FMN2: variants seen among roughly 807,000 people sequenced by gnomAD.
The protein encoded by FMN2 is formin 2.
A neutral mutation model predicts 142.3 loss-of-function variants in FMN2; 51 were observed. The ratio of observed to expected loss-of-function variants is 0.36; its 90% CI spans 0.29 to 0.45. FMN2 has a LOEUF of 0.45. Among genes scored for constraint, FMN2 ranks in the 20% least tolerant of loss-of-function variants. The pLI, the probability that FMN2 is intolerant of heterozygous loss-of-function variation, is 1.00. For missense variants in FMN2, 1,936 were observed against 2,122.8 expected, an observed-to-expected ratio of 0.91 and a Z score of 1.73; for synonymous variants, 882 against 869.8, an observed-to-expected ratio of 1.01 and a Z score of -0.25.
chr1:240,140,458 A>G (rs922671115), intron 2 of FMN2, among the ~76,000 whole-genome samples: 2 of 152,106 alleles, frequency 1.3e-5, no homozygotes, highest in East Asian at 1.9e-4. Flanking sequence ...ATTTCTGGCT[A>G]TCTCTGACCC....
intron 15 of FMN2, among the ~76,000 whole-genome samples, chr1:240,426,035 C>CATAGATGGGAAATAACTATTGGTA (rs1243410020): frequency 6.6e-6 from 1 of 152,134 alleles, no homozygotes. Flanking sequence ...AAATCCTGCT[C>CATAGATGGGAAATAACTATTGGTA]ATAGATGGGA....
intron 2 of FMN2, among the ~76,000 whole-genome samples, chr1:240,166,977 C>T (rs1480366401): frequency 6.6e-6 from 1 of 152,208 alleles, no homozygotes; most frequent in East Asian, 1.9e-4. Context: ...CAAAAATTAG[C>T]TGGGTATGGT....
intron 14 of FMN2, among the ~76,000 whole-genome samples, chr1:240,375,792 A>G (rs1195149340): frequency 2.6e-5 from 4 of 152,154 alleles, no homozygotes; most frequent in Admixed American, 2.6e-4. Context: ...TATTGTATAA[A>G]TGTCTCCATT....
intron 15 of FMN2, among the ~76,000 whole-genome samples, chr1:240,428,328 C>T (rs1418455496): frequency 1.3e-5 from 2 of 151,810 alleles, no homozygotes; most frequent in African/African-American, 2.4e-5. Flanking sequence ...ACCCCCTGGG[C>T]TCAAGCAATC....
intron 15 of FMN2, chr1:240,400,847 G>C (rs923323691): frequency 1.3e-5 from 2 of 152,196 alleles, no homozygotes; most frequent in Admixed American, 6.6e-5. Context: ...CACAGGCCGG[G>C]GGCGGTGGCT....
intron 4 of FMN2, among the ~76,000 whole-genome samples, chr1:240,206,069 A>AT (rs1283478922): frequency 2.6e-5 from 4 of 151,574 alleles, no homozygotes; most frequent in Admixed American, 2.0e-4. Context: ...TGCTCAGCTA[A>AT]TTTTTTTAAT....
At chr1:240,422,011 A>T (rs115292003) in intron 15 of FMN2, among the ~76,000 whole-genome samples, 3,981 of 152,140 alleles carry the variant, frequency 0.026, 187 homozygotes, top group African/African-American at 0.09. Context: ...TGAGAACTGG[A>T]CCTGCATGGG....
At chr1:240,278,897 G>A (rs1669305910) in intron 7 of FMN2, among the ~76,000 whole-genome samples, 1 of 152,164 alleles carries the variant, frequency 6.6e-6, no homozygotes, top group African/African-American at 2.4e-5. Flanking sequence ...GATGGAATGA[G>A]ATTCCTGGCC....
chr1:240,093,231 C>A lies in FMN2; in HGVS notation c.1122C>A (p.Ala374=), dbSNP rs1214249161. The part of the protein sequence containing the change: ...EEWAPEVGED[A]PQRLGEEPEE... The stretch of plus-strand genomic sequence containing the variant: ...GGGCCCCGGAGGTGGGAGAGGACGC[C>A]CCGCAGAGGCTGGGGGAAGAGCCGG... The change falls in exon 1 of 18, where the codon GCC becomes GCA. Residue 374 remains alanine (A), a synonymous_variant. Transcript: ENST00000319653. 1 of 1,541,146 alleles carries A rather than the reference C, an allele frequency of 6.5e-7. No homozygotes were observed. The highest frequency in any genetic ancestry group is 1.2e-5 in the South Asian group (1 of 80,656).
chr1:240,186,338 T>A (rs987695093), intron 3 of FMN2, among the ~76,000 whole-genome samples: 1 of 152,160 alleles, frequency 6.6e-6, no homozygotes, highest in African/African-American at 2.4e-5. Context: ...CAACAAATAT[T>A]TTAAGCACCT....
intron 14 of FMN2, among the ~76,000 whole-genome samples, chr1:240,368,955 T>TTATATATATG (rs1553370037): frequency 1.4e-5 from 2 of 148,022 alleles, no homozygotes; most frequent in African/African-American, 5.0e-5. Flanking sequence ...AACACAATGT[T>TTATATATATG]TATATATATA....
chr1:240,144,729 G>T, intron 2 of FMN2: 2 of 1,320,220 alleles, frequency 1.5e-6, no homozygotes, highest in Non-Finnish European at 1.1e-6. Flanking sequence ...TCCTTCTCCA[G>T]CATGTCCACC....
chr1:240,404,405 C>T (rs753055486), intron 15 of FMN2, among the ~76,000 whole-genome samples: 4 of 152,258 alleles, frequency 2.6e-5, no homozygotes, highest in Non-Finnish European at 4.4e-5. Flanking sequence ...TTAGGCTGGC[C>T]GACCAGGCAG....
At chr1:240,282,687 C>G (rs1259383652) in intron 7 of FMN2, among the ~76,000 whole-genome samples, 1 of 152,170 alleles carries the variant, frequency 6.6e-6, no homozygotes, top group Non-Finnish European at 1.5e-5. Context: ...TCCAGGTGCC[C>G]AAGCATCTTA....
Position 240,211,279 on chromosome 1 carries a change from A to G in FMN2, c.4065+44A>G, listed in dbSNP as rs140097670. 78 of 1,585,940 alleles carry G rather than the reference A, an allele frequency of 4.9e-5. No individual in the cohort carries two copies. In the African/African-American group the frequency reaches 7.2e-4, roughly 15 times the overall value. ...TATGAAATTGGACAGTGTTTCTGGC[A>G]TAAGTGTGAACTGTCATTAGAGAAA... On this transcript the variant is annotated intron_variant, in intron 6 of 17. Transcript: ENST00000319653.
At chr1:240,151,761 A>G (rs1042736878) in intron 2 of FMN2, among the ~76,000 whole-genome samples, 8 of 151,666 alleles carry the variant, frequency 5.3e-5, no homozygotes, top group Admixed American at 3.9e-4. Context: ...GGGCCAATGG[A>G]CTTTTTCTTT....
intron 7 of FMN2, among the ~76,000 whole-genome samples, chr1:240,264,742 T>C (rs1446110875): frequency 1.3e-5 from 2 of 152,222 alleles, no homozygotes; most frequent in Non-Finnish European, 2.9e-5. Flanking sequence ...TAGTATTCCA[T>C]GGTGTATATG....
At chr1:240,348,922 G>A (rs1290088491) in intron 13 of FMN2, among the ~76,000 whole-genome samples, 20 of 152,116 alleles carry the variant, frequency 1.3e-4, no homozygotes, top group Admixed American at 1.3e-3. Flanking sequence ...TATTTTCCCA[G>A]TGTCCGGTCA....
At chr1:240,311,516 A>G (rs1332828256) in intron 8 of FMN2, among the ~76,000 whole-genome samples, 1 of 152,150 alleles carries the variant, frequency 6.6e-6, no homozygotes, top group African/African-American at 2.4e-5. Flanking sequence ...TTTCAACCAT[A>G]AACGTGCTTA....
Sources: allele counts gnomAD v4.1 joint callset (sites outside exome capture counted in the v4.1 genomes callset), GRCh38; gene constraint gnomAD v4.1.1; transcripts MANE v1.5; gene names NCBI Gene and HGNC (gene_info 2026-07-23, HGNC 2026-07-21).